The following MEIS1 variants were observed in gnomAD, a reference collection of about 807,000 sequenced individuals.
MEIS1 encodes the protein homeobox protein Meis1.
In MEIS1, 5 loss-of-function variants were observed where a neutral mutation model predicts 50.8. The ratio of observed to expected loss-of-function variants is 0.10; its 90% CI spans 0.05 to 0.21. MEIS1 has a LOEUF of 0.21. MEIS1 is among the 10% of genes least tolerant of loss of function. MEIS1 has a pLI of 1.00. For synonymous variants in MEIS1, 176 were observed against 179.3 expected, an observed-to-expected ratio of 0.98 and a Z score of 0.15; for missense variants, 318 against 517.3, an observed-to-expected ratio of 0.61 and a Z score of 3.74.
intron 6 of MEIS1, among the ~76,000 whole-genome samples, chr2:66,446,340 T>C (rs1182065492): frequency 6.6e-6 from 1 of 152,126 alleles, no homozygotes. Flanking sequence ...AGGCCGCTTC[T>C]ATTGCGCGCC....
intron 8 of MEIS1, among the ~76,000 whole-genome samples, chr2:66,535,222 A>G (rs1377534180): frequency 6.6e-6 from 1 of 152,020 alleles, no homozygotes; most frequent in Non-Finnish European, 1.5e-5. Context: ...CCATGTGTCC[A>G]CTCTAAATTT....
At chr2:66,439,624 G>T (rs1327425286) in intron 2 of MEIS1, 11 of 1,537,350 alleles carry the variant, frequency 7.2e-6, no homozygotes, top group Non-Finnish European at 9.6e-6. Flanking sequence ...CTCAGATACC[G>T]TCCATGGCTC....
intron 7 of MEIS1, among the ~76,000 whole-genome samples, chr2:66,496,812 G>A (rs1558539566): frequency 2.0e-5 from 3 of 150,914 alleles, no homozygotes; most frequent in Admixed American, 6.6e-5. Context: ...GAACGTTCTC[G>A]TTTTTTTTTG....
chr2:66,535,596 C>T (rs1259144530), intron 8 of MEIS1, among the ~76,000 whole-genome samples: 2 of 152,132 alleles, frequency 1.3e-5, no homozygotes, highest in African/African-American at 4.8e-5. Flanking sequence ...GGAAAGTGTA[C>T]TTTGGGAAAC....
intron 8 of MEIS1, among the ~76,000 whole-genome samples, chr2:66,522,963 TA>T (rs1406412976): frequency 1.3e-5 from 2 of 152,236 alleles, no homozygotes; most frequent in Non-Finnish European, 2.9e-5. Context: ...GGATCTAATT[TA>T]CCACCCTTTG....
intron 9 of MEIS1, among the ~76,000 whole-genome samples, chr2:66,554,796 GACAA>G (rs964819817): frequency 5.3e-4 from 80 of 152,216 alleles, no homozygotes; most frequent in Middle Eastern, 3.4e-3. Context: ...TTGATAAGGA[GACAA>G]ACAGAGAAAT....
chr2:66,546,468 A>G (rs546377667), intron 8 of MEIS1, among the ~76,000 whole-genome samples: 2 of 152,300 alleles, frequency 1.3e-5, no homozygotes. Context: ...GGCGTCTGCT[A>G]CATCCTTTGG....
intron 9 of MEIS1, among the ~76,000 whole-genome samples, chr2:66,558,762 A>G (rs1440337507): frequency 6.6e-6 from 1 of 152,176 alleles, no homozygotes; most frequent in African/African-American, 2.4e-5. Flanking sequence ...GTTGCTGAAG[A>G]CTTGGAGAAC....
At chr2:66,498,023 A>G (rs1259908733) in intron 7 of MEIS1, among the ~76,000 whole-genome samples, 2 of 151,866 alleles carry the variant, frequency 1.3e-5, no homozygotes, top group African/African-American at 4.8e-5. Context: ...CAATAGAAAA[A>G]AAATGGTATG....
intron 7 of MEIS1, among the ~76,000 whole-genome samples, chr2:66,490,311 G>T (rs1201540237): frequency 1.3e-5 from 2 of 152,146 alleles, no homozygotes; most frequent in Non-Finnish European, 2.9e-5. Flanking sequence ...GGGTGGGTTG[G>T]CTGGAAGCTT....
chr2:66,488,725 A>C (rs373388359), intron 7 of MEIS1, among the ~76,000 whole-genome samples: 2 of 152,182 alleles, frequency 1.3e-5, no homozygotes, highest in Non-Finnish European at 2.9e-5. Flanking sequence ...CAATATCAGC[A>C]TTTGTTTATT....
rs111387766 is a variant in MEIS1 at position 66,527,591 on chromosome 2, A to T, written c.888+15297A>T. 1.1e-3 allele frequency among the ~76,000 whole-genome samples: 140 copies of T among 124,478 alleles called. 1 individual carries two copies. Among genetic ancestry groups the T allele is most frequent in the African/African-American group, 4.0e-3 (129 of 31,944 alleles). The allele number at this position is 124,478 out of a possible 152,430, so 81.7% of individuals were successfully genotyped here. A position where few individuals can be genotyped will look rare whatever the true frequency, so the allele number is the denominator to read the frequency against. ...TGATACCTGTATTGCAGTAAAAGCAAGTGTGTGTGTGTGTGTGTGTGTGTG... is the reference window on the plus strand; with the variant it reads ...TGATACCTGTATTGCAGTAAAAGCATGTGTGTGTGTGTGTGTGTGTGTGTG... On this transcript the variant is annotated intron_variant, in intron 8 of 12. Transcript: ENST00000272369.
intron 1 of MEIS1, chr2:66,437,396 A>T: frequency 3.4e-6 from 1 of 294,068 alleles, no homozygotes; most frequent in Non-Finnish European, 6.4e-6. Context: ...TCCTCCAGAG[A>T]CATGCCCGTT....
chr2:66,441,706 C>T, intron 5 of MEIS1: 1 of 481,002 alleles, frequency 2.1e-6, no homozygotes, highest in Non-Finnish European at 3.6e-6. Context: ...AACTTGCTGG[C>T]TTTGTGTAAA....
chr2:66,472,629 A>T (rs112108511), intron 7 of MEIS1, among the ~76,000 whole-genome samples: 8,434 of 152,272 alleles, frequency 0.055, 371 homozygotes, highest in African/African-American at 0.12. Flanking sequence ...TGACCCAGAC[A>T]TGGTGAACTC....
At chr2:66,450,448 C>T (rs1672251735) in intron 6 of MEIS1, among the ~76,000 whole-genome samples, 2 of 151,726 alleles carry the variant, frequency 1.3e-5, no homozygotes, top group Non-Finnish European at 2.9e-5. Context: ...AAAAACAAGA[C>T]CAAAAAATCC....
At chr2:66,494,941 C>T (rs1282721253) in intron 7 of MEIS1, among the ~76,000 whole-genome samples, 1 of 152,030 alleles carries the variant, frequency 6.6e-6, no homozygotes, top group African/African-American at 2.4e-5. Flanking sequence ...AAATAGTGGC[C>T]CGGTGTTGCG....
chr2:66,498,540 G>A (rs1261497941), intron 7 of MEIS1, among the ~76,000 whole-genome samples: 1 of 152,186 alleles, frequency 6.6e-6, no homozygotes, highest in African/African-American at 2.4e-5. Context: ...CTAACAGGAG[G>A]AGCTGGGATT....
chr2:66,436,871 A>AG (rs1035704744), intron 1 of MEIS1: 21 of 254,968 alleles, frequency 8.2e-5, no homozygotes, highest in Non-Finnish European at 1.1e-4. Context: ...ATATGAAAGT[A>AG]GTTTTTTTTT....
Sources: gnomAD v4.1 joint callset for allele counts (sites outside exome capture counted in the v4.1 genomes callset) on GRCh38, gnomAD v4.1.1 for gene constraint, MANE v1.5 for transcripts, NCBI Gene and HGNC (gene_info 2026-07-23, HGNC 2026-07-21) for gene names.